DNER: variants seen among roughly 807,000 people sequenced by gnomAD.
The protein encoded by DNER is delta/notch like EGF repeat containing.
Under a neutral mutation model 78.2 loss-of-function variants are expected in DNER, and 33 were observed. The observed-to-expected ratio is 0.42, with a 90% CI of 0.32 to 0.56. DNER has a LOEUF of 0.56. Among genes scored for constraint, DNER ranks in the 20% least tolerant of loss-of-function variants. The pLI is 0.11. For synonymous variants in DNER, 417 were observed against 384.8 expected (o/e 1.08, Z -0.98); for missense variants, 918 against 975.3 (o/e 0.94, Z 0.78).
chr2:229,478,232 A>G (rs1172609666), intron 6 of DNER, among the ~76,000 whole-genome samples: 1 of 90,796 alleles, frequency 1.1e-5, no homozygotes, highest in Non-Finnish European at 2.0e-5. Flanking sequence ...TTATGATCAT[A>G]GTGTAACACT....
intron 11 of DNER, among the ~76,000 whole-genome samples, chr2:229,375,756 T>TGCTG (rs1692583145): frequency 6.6e-6 from 1 of 152,246 alleles, no homozygotes; most frequent in African/African-American, 2.4e-5. Flanking sequence ...AGCACAAAGA[T>TGCTG]GCTGCTATGA....
chr2:229,615,588 T>G (rs1363803841), intron 1 of DNER, among the ~76,000 whole-genome samples: 1 of 152,038 alleles, frequency 6.6e-6, no homozygotes, highest in Non-Finnish European at 1.5e-5. Context: ...GGTGGGCACC[T>G]GTAGCCCCAG....
intron 11 of DNER, among the ~76,000 whole-genome samples, chr2:229,374,681 A>C (rs1000853391): frequency 5.9e-5 from 9 of 152,190 alleles, no homozygotes; most frequent in Admixed American, 1.3e-4. Context: ...GCAGCCCCTG[A>C]GTTTAAGCCC....
intron 11 of DNER, among the ~76,000 whole-genome samples, chr2:229,374,009 T>C (rs536768311): frequency 5.3e-4 from 81 of 151,952 alleles, no homozygotes; most frequent in African/African-American, 1.7e-3. Context: ...CTACTAAAAA[T>C]ACAAAAAAAG....
chr2:229,695,491 G>A (rs1298602600), intron 1 of DNER, among the ~76,000 whole-genome samples: 1 of 152,190 alleles, frequency 6.6e-6, no homozygotes, highest in Non-Finnish European at 1.5e-5. Flanking sequence ...TTAATGCTCT[G>A]GTGGAGACAG....
intron 1 of DNER, among the ~76,000 whole-genome samples, chr2:229,689,031 A>G (rs990745125): frequency 2.0e-5 from 3 of 152,180 alleles, no homozygotes; most frequent in Non-Finnish European, 4.4e-5. Context: ...AAAAATAGCT[A>G]ACGCATACTG....
chr2:229,490,528 A>G (rs1454941970), intron 6 of DNER, among the ~76,000 whole-genome samples: 2 of 152,180 alleles, frequency 1.3e-5, no homozygotes, highest in Non-Finnish European at 2.9e-5. Flanking sequence ...CAGAATAAAT[A>G]AATCTATGGA....
At chr2:229,432,194 C>T (rs1040785425) in intron 8 of DNER, among the ~76,000 whole-genome samples, 1 of 152,074 alleles carries the variant, frequency 6.6e-6, no homozygotes, top group Non-Finnish European at 1.5e-5. Context: ...TAATCCCATA[C>T]CCTCAATTGA....
At chr2:229,447,731 C>T (rs1033284077) in intron 7 of DNER, among the ~76,000 whole-genome samples, 191 bp from the exon 8 acceptor site, 2 of 152,008 alleles carry the variant, frequency 1.3e-5, no homozygotes, top group African/African-American at 4.8e-5. Flanking sequence ...ATATTAAGCC[C>T]CACAATTCCA....
intron 8 of DNER, among the ~76,000 whole-genome samples, chr2:229,442,514 T>TAAAAAAAAAAAAAAA (rs58534290): frequency 3.4e-5 from 5 of 147,252 alleles, no homozygotes; most frequent in African/African-American, 9.9e-5. Flanking sequence ...CGCTCTGTCT[T>TAAAAAAAAAAAAAAA]AAAAAAAAAA....
At position 229,678,246 on chromosome 2, in the gene DNER, A is replaced by G. The variant is rs140647197; in HGVS notation, c.276+35902T>C. 1.4e-3 allele frequency among the ~76,000 whole-genome samples: 216 copies of G among 152,178 alleles called. 1 individual carries two copies. Among genetic ancestry groups the G allele is most frequent in the African/African-American group, 5.0e-3 (207 of 41,516 alleles). The stretch of plus-strand genomic sequence containing the variant: ...AACCCTGGGTTAGTGTCCCCTTCGT[A>G]TTTCCCAACAGCTTTCCCAGTCGCT... On this transcript the variant is annotated intron_variant, in intron 1 of 12. Coordinates refer to ENST00000341772, the MANE Select transcript of DNER (RefSeq NM_139072.4).
intron 4 of DNER, among the ~76,000 whole-genome samples, chr2:229,581,354 AT>A (rs1697393881): frequency 1.3e-5 from 2 of 152,252 alleles, no homozygotes; most frequent in Admixed American, 1.3e-4. Context: ...CAAATGAATC[AT>A]TCAGGACACT....
chr2:229,419,897 CA>C (rs1049868739), intron 8 of DNER, among the ~76,000 whole-genome samples: 2 of 147,654 alleles, frequency 1.4e-5, no homozygotes, highest in African/African-American at 5.0e-5. Flanking sequence ...CAACTGGAGG[CA>C]GGGGGAGGGG....
chr2:229,588,194 C>T (rs987892392), intron 3 of DNER, among the ~76,000 whole-genome samples, 200 bp downstream of exon 3: 4 of 152,164 alleles, frequency 2.6e-5, no homozygotes, highest in Non-Finnish European at 4.4e-5. Context: ...TTCCACTTGT[C>T]CAGCCTGAAA....
chr2:229,439,497 G>A (rs1318704577), intron 8 of DNER, among the ~76,000 whole-genome samples: 1 of 152,180 alleles, frequency 6.6e-6, no homozygotes, highest in Non-Finnish European at 1.5e-5. Context: ...CGGAGGCAAA[G>A]CTGGTACTTA....
intron 5 of DNER, among the ~76,000 whole-genome samples, chr2:229,543,434 G>A (rs976595513): frequency 6.6e-6 from 1 of 152,182 alleles, no homozygotes; most frequent in African/African-American, 2.4e-5. Context: ...GTAACATGAC[G>A]ACCGCCTTAC....
intron 8 of DNER, among the ~76,000 whole-genome samples, chr2:229,429,913 A>G (rs1693969753): frequency 6.6e-6 from 1 of 152,152 alleles, no homozygotes; most frequent in Admixed American, 6.5e-5. Flanking sequence ...ACTTCGATTC[A>G]CTGCTCAATA....
intron 1 of DNER, among the ~76,000 whole-genome samples, chr2:229,628,346 A>G (rs990948830): frequency 6.6e-6 from 1 of 152,158 alleles, no homozygotes; most frequent in Non-Finnish European, 1.5e-5. Flanking sequence ...TCCTCAACAG[A>G]GCCCTTTCCG....
chr2:229,567,864 C>T (rs992932265), intron 4 of DNER, among the ~76,000 whole-genome samples: 8 of 152,148 alleles, frequency 5.3e-5, no homozygotes, highest in Admixed American at 4.6e-4. Flanking sequence ...TTTATTTATG[C>T]TTCAGTCTCT....
Sources: allele counts gnomAD v4.1 joint callset (sites outside exome capture counted in the v4.1 genomes callset), GRCh38; gene constraint gnomAD v4.1.1; transcripts MANE v1.5; gene names NCBI Gene and HGNC (gene_info 2026-07-23, HGNC 2026-07-21).